The following CSMD3 variants were observed in gnomAD, a reference collection of about 807,000 sequenced individuals.
The protein encoded by CSMD3 is CUB and Sushi multiple domains 3, also known as CUB and sushi domain-containing protein 3.
A neutral mutation model predicts 435.2 loss-of-function variants in CSMD3; 177 were observed. The ratio of observed to expected loss-of-function variants is 0.41; its 90% CI spans 0.36 to 0.46. The LOEUF (loss-of-function observed/expected upper bound fraction) is 0.46, where lower values mean the gene tolerates loss of function less well. CSMD3 is among the 20% of genes least tolerant of loss of function. The probability of loss-of-function intolerance (pLI) is 0.34; values close to 1 mark genes in which losing one functional copy is unlikely to be tolerated. For missense variants in CSMD3, 4,265 were observed against 4,504.6 expected (o/e 0.95, Z 1.52); for synonymous variants, 1,656 against 1,520.5 (o/e 1.09, Z -2.07).
At chr8:112,806,688 A>G (rs1471568727) in intron 12 of CSMD3, among the ~76,000 whole-genome samples, 1 of 152,156 alleles carries the variant, frequency 6.6e-6, no homozygotes, top group African/African-American at 2.4e-5. Flanking sequence ...TTTATCTGAT[A>G]TTCTTGTCTG....
intron 43 of CSMD3, 48 bp downstream of exon 43, chr8:112,337,494 TA>T: frequency 6.8e-7 from 1 of 1,468,296 alleles, no homozygotes; most frequent in Non-Finnish European, 9.5e-7. Context: ...AAAACAATAT[TA>T]AAAACAGATG....
chr8:113,189,351 C>A (rs970892884), intron 3 of CSMD3, among the ~76,000 whole-genome samples: 1 of 151,656 alleles, frequency 6.6e-6, no homozygotes, highest in Non-Finnish European at 1.5e-5. Context: ...AGACTGCAGA[C>A]AATTTTTCCT....
rs148753584 is a variant in CSMD3 at position 113,102,532 on chromosome 8, C to T, written c.710-3569G>A. Among the ~76,000 whole-genome samples the T allele has an allele frequency of 5.7e-3, 863 of 152,200 alleles. 9 individuals carry two copies. The highest frequency in any genetic ancestry group is 0.019 in the African/African-American group (775 of 41,550). ...TGAATACATAAAATTACATTTCTGT[C>T]AGGTCCTATGAAGAAGGAACATTTA... is the stretch of plus-strand genomic sequence containing the variant. On this transcript the variant is annotated intron_variant, in intron 4 of 70. Coordinates refer to ENST00000297405, the MANE Select transcript of CSMD3 (RefSeq NM_198123.2).
rs193215415 is a variant in CSMD3, at chr8:113,388,924, G to T, written c.178+47753C>A. ...CCATGGGAATAATTAAAACATGAGT[G>T]TAAGAGCGCTGGAAGTTTTTGAGTT... On this transcript the variant is annotated intron_variant, in intron 1 of 70. Transcript: ENST00000297405. Among the ~76,000 whole-genome samples, 371 of 151,662 alleles carry T rather than the reference G, an allele frequency of 2.4e-3. 3 individuals carry two copies. Among genetic ancestry groups the T allele is most frequent in the Non-Finnish European group, 4.2e-3 (285 of 67,616 alleles).
At chr8:112,636,770 G>A (rs367614882) in intron 22 of CSMD3, 47 bp downstream of exon 22, 2 of 1,461,904 alleles carry the variant, frequency 1.4e-6, no homozygotes, top group African/African-American at 2.8e-5. Flanking sequence ...GCAACTCCAT[G>A]GACAGTGACT....
chr8:113,156,744 A>ATAAATAAATAAT lies in CSMD3; in HGVS notation c.709+16977_709+16978insATTATTTATTTA, dbSNP rs2091937825. On this transcript the variant is annotated intron_variant, in intron 4 of 70. Coordinates refer to ENST00000297405, the MANE Select transcript of CSMD3 (RefSeq NM_198123.2). Reference sequence around the variant, plus strand: ...GGCAAAATCTCACCTAAATAAATAAATAAATAAATAAATAAATAAATAAAT... The same window carrying ATAAATAAATAAT: ...GGCAAAATCTCACCTAAATAAATAAATAAATAAATAATTAAATAAATAAATAAATAAATAAAT... 9.3e-5 allele frequency among the ~76,000 whole-genome samples: 13 copies of ATAAATAAATAAT among 139,690 alleles called. 1 individual carries two copies. Among genetic ancestry groups the ATAAATAAATAAT allele is most frequent in the Admixed American group, 6.2e-4 (8 of 12,922 alleles). 91.6% of individuals were successfully genotyped at this position (139,690 alleles called of 152,430 possible). A position where few individuals can be genotyped will look rare whatever the true frequency, so the allele number is the denominator to read the frequency against.
At chr8:112,680,884 G>A (rs1586954462) in intron 16 of CSMD3, among the ~76,000 whole-genome samples, 2 of 152,102 alleles carry the variant, frequency 1.3e-5, no homozygotes, top group Non-Finnish European at 2.9e-5. Context: ...CAGCTAGTCA[G>A]TTTGGAGACA....
At chr8:112,373,001 T>A (rs940125543) in intron 38 of CSMD3, among the ~76,000 whole-genome samples, 1 of 143,588 alleles carries the variant, frequency 7.0e-6, no homozygotes, top group Non-Finnish European at 1.5e-5. Context: ...ATTTTATATA[T>A]AAAAATATAT....
At chr8:113,319,695 T>C (rs2093935952) in intron 1 of CSMD3, among the ~76,000 whole-genome samples, 1 of 152,098 alleles carries the variant, frequency 6.6e-6, no homozygotes, top group Non-Finnish European at 1.5e-5. Context: ...TCATACTATT[T>C]TCTTTTGCAT....
At chr8:112,393,520 G>C (rs1047000013) in intron 35 of CSMD3, among the ~76,000 whole-genome samples, 4 of 152,112 alleles carry the variant, frequency 2.6e-5, no homozygotes, top group Admixed American at 6.6e-5. Flanking sequence ...TCTTGAAACA[G>C]ACTCAAGTCT....
At chr8:113,073,569 G>A (rs2089218716) in intron 5 of CSMD3, among the ~76,000 whole-genome samples, 2 of 151,850 alleles carry the variant, frequency 1.3e-5, no homozygotes, top group Non-Finnish European at 2.9e-5. Context: ...AGCTCATCCA[G>A]CTTGCTGTGC....
chr8:112,601,046 A>C (rs1396535214), intron 22 of CSMD3, among the ~76,000 whole-genome samples: 1 of 152,164 alleles, frequency 6.6e-6, no homozygotes, highest in Non-Finnish European at 1.5e-5. Flanking sequence ...GGAGGTAGGA[A>C]TACTAAGAAA....
At chr8:113,348,507 TG>T (rs2094167074) in intron 1 of CSMD3, among the ~76,000 whole-genome samples, 1 of 152,080 alleles carries the variant, frequency 6.6e-6, no homozygotes, top group Non-Finnish European at 1.5e-5. Flanking sequence ...AACCCAGCTT[TG>T]AGAAGCAGGG....
At chr8:112,448,123 G>A (rs185046863) in intron 32 of CSMD3, among the ~76,000 whole-genome samples, 4 of 152,092 alleles carry the variant, frequency 2.6e-5, no homozygotes, top group Non-Finnish European at 4.4e-5. Context: ...ATCTGAGATC[G>A]GGGACAAGCA....
intron 55 of CSMD3, 138 bp from the exon 56 acceptor site, chr8:112,291,833 C>T: frequency 4.8e-6 from 3 of 629,928 alleles, no homozygotes; most frequent in Non-Finnish European, 8.1e-6. Flanking sequence ...AAAATTAATC[C>T]CATGGATTAT....
chr8:113,321,754 G>A (rs1169414974), intron 1 of CSMD3, among the ~76,000 whole-genome samples: 1 of 152,032 alleles, frequency 6.6e-6, no homozygotes, highest in Non-Finnish European at 1.5e-5. Flanking sequence ...AGACAAATAG[G>A]GTTAGTATTA....
At chr8:113,223,584 T>C (rs1202978402) in intron 3 of CSMD3, among the ~76,000 whole-genome samples, 1 of 149,392 alleles carries the variant, frequency 6.7e-6, no homozygotes, top group Non-Finnish European at 1.5e-5. Flanking sequence ...TGGAGAAGTT[T>C]CAAAACATTT....
rs567666827 is a variant in CSMD3 at position 113,412,892 on chromosome 8, G to A, written c.178+23785C>T. Reference sequence around the variant, plus strand: ...GAAACAAGACCTCCATGCCTGGCCAGGTTATCTCCCAAATACACACATAAT... The same window carrying A: ...GAAACAAGACCTCCATGCCTGGCCAAGTTATCTCCCAAATACACACATAAT... On this transcript the variant is annotated intron_variant, in intron 1 of 70. Transcript: ENST00000297405. Among the ~76,000 whole-genome samples the A allele has an allele frequency of 2.6e-5, 4 of 152,044 alleles. No individual in the cohort carries two copies. The East Asian group carries it at 7.7e-4, about 29-fold the overall frequency.
intron 2 of CSMD3, among the ~76,000 whole-genome samples, chr8:113,286,449 T>C (rs912553180): frequency 2.0e-5 from 3 of 152,122 alleles, no homozygotes; most frequent in Non-Finnish European, 2.9e-5. Flanking sequence ...TCAATGAATA[T>C]GTTTTTTAAA....
Sources: allele counts gnomAD v4.1 joint callset (sites outside exome capture counted in the v4.1 genomes callset), GRCh38; gene constraint gnomAD v4.1.1; transcripts MANE v1.5; gene names NCBI Gene and HGNC (gene_info 2026-07-23, HGNC 2026-07-21).